NKAIN2: variants seen among roughly 807,000 people sequenced by gnomAD.
The protein encoded by NKAIN2 is sodium/potassium transporting ATPase interacting 2.
NKAIN2 carries 14 observed loss-of-function variants against 32.6 expected under a neutral mutation model. The observed-to-expected ratio is 0.43, with a 90% CI of 0.28 to 0.67. NKAIN2 has a LOEUF of 0.67. Ranked by LOEUF, NKAIN2 falls within the 30% of genes least tolerant of loss-of-function variation. The probability of loss-of-function intolerance (pLI) is 0.17; values close to 1 mark genes in which losing one functional copy is unlikely to be tolerated. For synonymous variants in NKAIN2, 80 were observed against 87.2 expected (o/e 0.92, Z 0.46); for missense variants, 198 against 258.3 (o/e 0.77, Z 1.60).
chr6:124,260,241 C>T (rs1794175827), intron 1 of NKAIN2, among the ~76,000 whole-genome samples: 1 of 152,120 alleles, frequency 6.6e-6, no homozygotes, highest in Non-Finnish European at 1.5e-5. Context: ...AAATCTCAGC[C>T]TTCAAGGAGC....
intron 1 of NKAIN2, among the ~76,000 whole-genome samples, chr6:124,039,634 A>G (rs1290246264): frequency 3.3e-5 from 5 of 151,910 alleles, no homozygotes; most frequent in East Asian, 1.9e-4. Context: ...AATTTTAACA[A>G]TAGGCAATTC....
At chr6:124,600,503 T>C (rs995073033) in intron 3 of NKAIN2, among the ~76,000 whole-genome samples, 4 of 152,108 alleles carry the variant, frequency 2.6e-5, no homozygotes, top group Admixed American at 6.6e-5. Context: ...GGGATTCATG[T>C]TTATAATTTA....
intron 1 of NKAIN2, among the ~76,000 whole-genome samples, chr6:124,195,214 A>G (rs1440507823): frequency 2.0e-5 from 3 of 152,072 alleles, no homozygotes; most frequent in Non-Finnish European, 2.9e-5. Flanking sequence ...TGTGCTCCAT[A>G]TTCCATGACC....
intron 3 of NKAIN2, among the ~76,000 whole-genome samples, chr6:124,582,191 C>T (rs1055607755): frequency 6.6e-6 from 1 of 151,894 alleles, no homozygotes; most frequent in Non-Finnish European, 1.5e-5. Flanking sequence ...GACATTACTA[C>T]TAATACCAGA....
intron 1 of NKAIN2, among the ~76,000 whole-genome samples, chr6:124,109,339 A>G (rs1044355002): frequency 6.6e-6 from 1 of 151,898 alleles, no homozygotes; most frequent in Admixed American, 6.6e-5. Flanking sequence ...TTACCTTTTC[A>G]GATAGTTTTT....
intron 3 of NKAIN2, among the ~76,000 whole-genome samples, chr6:124,473,714 C>T (rs1015130307): frequency 7.9e-5 from 12 of 152,282 alleles, no homozygotes; most frequent in African/African-American, 2.6e-4. Context: ...TAAAAAGAGA[C>T]TCTCTGTAGA....
chr6:124,653,552 T>A (rs1465210548), intron 3 of NKAIN2, among the ~76,000 whole-genome samples: 1 of 149,520 alleles, frequency 6.7e-6, no homozygotes, highest in East Asian at 2.0e-4. Context: ...ACTGTAAAAC[T>A]CCTAGAAAAT....
intron 1 of NKAIN2, among the ~76,000 whole-genome samples, chr6:124,129,641 A>G (rs7767876): frequency 0.056 from 8,493 of 151,730 alleles, 372 homozygotes; most frequent in East Asian, 0.12. Context: ...TTTTGAGACG[A>G]AGTTTCCCTT....
At chr6:124,492,084 A>G (rs1191963976) in intron 3 of NKAIN2, among the ~76,000 whole-genome samples, 5 of 152,104 alleles carry the variant, frequency 3.3e-5, no homozygotes, top group South Asian at 4.1e-4. Flanking sequence ...AAGAAGACCT[A>G]TTGGCTATTA....
Position 123,826,611 on chromosome 6 carries a change from C to T in NKAIN2, c.54+22357C>T, listed in dbSNP as rs528809984. ...ATCTCATATAAGTAGAATCATATAT[C>T]ATCTATCCTTTTGAGCCTGACTTAT... On this transcript the variant is annotated intron_variant, in intron 1 of 6. Coordinates refer to ENST00000368417, the MANE Select transcript of NKAIN2 (RefSeq NM_001040214.3). Among the ~76,000 whole-genome samples, 138 of 152,218 alleles carry T rather than the reference C, an allele frequency of 9.1e-4. 1 individual carries two copies. Among genetic ancestry groups the T allele is most frequent in the African/African-American group, 3.1e-3 (129 of 41,550 alleles).
intron 3 of NKAIN2, among the ~76,000 whole-genome samples, chr6:124,472,718 T>A (rs1255275319): frequency 4.0e-5 from 6 of 148,896 alleles, no homozygotes; most frequent in Non-Finnish European, 4.5e-5. Context: ...AGTAGGCAGA[T>A]AAAAAAAAAA....
chr6:124,660,041 T>C (rs1784690329), intron 4 of NKAIN2, among the ~76,000 whole-genome samples: 1 of 152,154 alleles, frequency 6.6e-6, no homozygotes, highest in East Asian at 1.9e-4. Flanking sequence ...AGGATGGAAG[T>C]AGCCATTTCA....
intron 1 of NKAIN2, among the ~76,000 whole-genome samples, chr6:123,946,399 T>A (rs998306693): frequency 6.6e-6 from 1 of 152,156 alleles, no homozygotes; most frequent in East Asian, 1.9e-4. Flanking sequence ...TAACTGAAAT[T>A]TATACTTGGA....
At chr6:124,516,910 T>A (rs1344693666) in intron 3 of NKAIN2, among the ~76,000 whole-genome samples, 1 of 152,170 alleles carries the variant, frequency 6.6e-6, no homozygotes, top group African/African-American at 2.4e-5. Flanking sequence ...CGTAAAAACA[T>A]CTTCAAAGTA....
chr6:124,427,728 C>T (rs544505665), intron 3 of NKAIN2, among the ~76,000 whole-genome samples: 145 of 152,118 alleles, frequency 9.5e-4, no homozygotes, highest in African/African-American at 3.3e-3. Flanking sequence ...TTATTAGCTA[C>T]GCTTAATATA....
intron 4 of NKAIN2, among the ~76,000 whole-genome samples, chr6:124,692,642 C>T (rs1217018315): frequency 6.6e-6 from 1 of 151,992 alleles, no homozygotes; most frequent in African/African-American, 2.4e-5. Flanking sequence ...CAGTGAAACC[C>T]TGTCTCTACT....
chr6:123,901,870 A>G (rs1774606776), intron 1 of NKAIN2, among the ~76,000 whole-genome samples: 1 of 152,136 alleles, frequency 6.6e-6, no homozygotes, highest in Non-Finnish European at 1.5e-5. Context: ...TTAGTTAGGT[A>G]CAATTTCTTC....
At chr6:124,498,756 A>C (rs573983812) in intron 3 of NKAIN2, among the ~76,000 whole-genome samples, 2 of 152,116 alleles carry the variant, frequency 1.3e-5, no homozygotes, top group Admixed American at 6.5e-5. Flanking sequence ...TCATTGCAAG[A>C]GGGTCTTGTA....
At chr6:124,461,927 G>A in intron 3 of NKAIN2, among the ~76,000 whole-genome samples, 1 of 150,126 alleles carries the variant, frequency 6.7e-6, no homozygotes, top group East Asian at 1.9e-4. Context: ...AAAAAAAAAA[G>A]AAAAGAAGAA....
Sources: gnomAD v4.1 joint callset for allele counts (sites outside exome capture counted in the v4.1 genomes callset) on GRCh38, gnomAD v4.1.1 for gene constraint, MANE v1.5 for transcripts, NCBI Gene and HGNC (gene_info 2026-07-23, HGNC 2026-07-21) for gene names.